MAML2: variants seen among roughly 807,000 people sequenced by gnomAD.
MAML2 encodes mastermind-like protein 2.
Under a neutral mutation model 96.1 loss-of-function variants are expected in MAML2, and 22 were observed. The observed-to-expected ratio is 0.23, with a 90% CI of 0.16 to 0.33. The LOEUF is 0.33. MAML2 is among the 10% of genes least tolerant of loss of function. MAML2 has a pLI of 1.00. For synonymous variants in MAML2, 561 were observed against 521.3 expected (o/e 1.08, Z -1.04); for missense variants, 1,367 against 1,392.4 (o/e 0.98, Z 0.29).
At chr11:96,082,486 C>T (rs1035223012) in intron 2 of MAML2, among the ~76,000 whole-genome samples, 2 of 152,076 alleles carry the variant, frequency 1.3e-5, no homozygotes, top group Non-Finnish European at 2.9e-5. Flanking sequence ...AGCAGAACTG[C>T]CTAACAAAGT....
intron 2 of MAML2, among the ~76,000 whole-genome samples, chr11:96,008,044 T>C (rs1314942802): frequency 6.7e-6 from 1 of 149,128 alleles, no homozygotes; most frequent in Non-Finnish European, 1.5e-5. Context: ...AAAAAATTTT[T>C]CAGTGAAATG....
chr11:96,154,997 G>T (rs1010898460), intron 1 of MAML2, among the ~76,000 whole-genome samples: 2 of 152,076 alleles, frequency 1.3e-5, no homozygotes, highest in Admixed American at 6.5e-5. Flanking sequence ...GATCCTCCCC[G>T]TTCTCCCAGG....
chr11:96,104,087 G>T (rs1280253415), intron 1 of MAML2, among the ~76,000 whole-genome samples: 1 of 152,040 alleles, frequency 6.6e-6, no homozygotes, highest in Admixed American at 6.6e-5. Flanking sequence ...ACATGTTCAT[G>T]TTTGTTTTCC....
chr11:96,125,028 CATTTTATT>C (rs1225570478), intron 1 of MAML2, among the ~76,000 whole-genome samples: 1 of 152,112 alleles, frequency 6.6e-6, no homozygotes, highest in East Asian at 1.9e-4. Context: ...ACATGAGAGT[CATTTTATT>C]ATTTTATTAT....
chr11:96,128,479 T>C (rs1860490289), intron 1 of MAML2, among the ~76,000 whole-genome samples: 1 of 152,190 alleles, frequency 6.6e-6, no homozygotes, highest in Non-Finnish European at 1.5e-5. Context: ...CTTATTGGTA[T>C]CATCATATAC....
chr11:96,316,825 GA>G (rs1223964695), intron 1 of MAML2, among the ~76,000 whole-genome samples: 1 of 151,998 alleles, frequency 6.6e-6, no homozygotes, highest in Non-Finnish European at 1.5e-5. Flanking sequence ...CAGTCGAGGG[GA>G]GAGGGGATCC....
In MAML2 at chr11:96,072,207, C is replaced by A. The variant is rs187619115; in HGVS notation, c.2139+19685G>T. 2.6e-5 allele frequency among the ~76,000 whole-genome samples: 4 copies of A among 152,270 alleles called. No homozygotes were observed. The East Asian group carries it at 7.7e-4, about 29-fold the overall frequency. The stretch of plus-strand genomic sequence containing the variant: ...CATAGCCCACTTGCCAAAAAAAAAG[C>A]TCTTGTTATAAGGTTAAGGCCACAT... On this transcript the variant is annotated intron_variant, in intron 2 of 4. Transcript: ENST00000524717.
At chr11:96,214,847 A>T (rs914749175) in intron 1 of MAML2, among the ~76,000 whole-genome samples, 7 of 152,236 alleles carry the variant, frequency 4.6e-5, no homozygotes, top group African/African-American at 1.4e-4. Context: ...TTGTTTAAAA[A>T]TGCCAAAAAT....
chr11:96,039,367 G>A (rs549421119), intron 2 of MAML2, among the ~76,000 whole-genome samples: 1 of 141,202 alleles, frequency 7.1e-6, no homozygotes, highest in Admixed American at 7.0e-5. Context: ...GAGAGGGGAG[G>A]GGGATAAGGG....
chr11:96,066,655 A>T (rs959889875), intron 2 of MAML2, among the ~76,000 whole-genome samples: 9 of 79,344 alleles, frequency 1.1e-4, no homozygotes, highest in African/African-American at 4.3e-4. Flanking sequence ...TTTTTCAGCA[A>T]ATATTAATTA....
At chr11:95,998,056 T>G (rs866250711) in intron 2 of MAML2, among the ~76,000 whole-genome samples, 1 of 152,136 alleles carries the variant, frequency 6.6e-6, no homozygotes, top group Admixed American at 6.6e-5. Context: ...TACTAGACTC[T>G]TTATATAGCA....
intron 1 of MAML2, among the ~76,000 whole-genome samples, chr11:96,247,555 G>T (rs2135964689): frequency 6.6e-6 from 1 of 152,226 alleles, no homozygotes; most frequent in Admixed American, 6.5e-5. Context: ...TGTCCACTTT[G>T]CAGACGCCCA....
chr11:96,158,548 A>C (rs1861048362), intron 1 of MAML2, among the ~76,000 whole-genome samples: 1 of 152,188 alleles, frequency 6.6e-6, no homozygotes, highest in South Asian at 2.1e-4. Flanking sequence ...TCCTGAAATC[A>C]CAGCAGATTT....
At chr11:96,183,331 T>TC (rs869251444) in intron 1 of MAML2, among the ~76,000 whole-genome samples, 1 of 80 alleles carries the variant, frequency 0.013, no homozygotes, top group Non-Finnish European at 0.024. Flanking sequence ...GAATTTTAGA[T>TC]TTTTTATTTC....
chr11:96,216,340 G>A (rs1862049747), intron 1 of MAML2, among the ~76,000 whole-genome samples: 1 of 152,120 alleles, frequency 6.6e-6, no homozygotes. Flanking sequence ...TGAACTCCCA[G>A]GAAGAGGAAG....
chr11:96,193,123 C>T (rs990493226), intron 1 of MAML2, among the ~76,000 whole-genome samples: 2 of 152,182 alleles, frequency 1.3e-5, no homozygotes, highest in Non-Finnish European at 2.9e-5. Context: ...AATCCCAGCA[C>T]TTTGGGAGGC....
chr11:96,035,712 A>G (rs1019479251), intron 2 of MAML2, among the ~76,000 whole-genome samples: 6 of 152,258 alleles, frequency 3.9e-5, no homozygotes, highest in African/African-American at 1.4e-4. Flanking sequence ...GGGTTCTCTA[A>G]GACTCCACTG....
At chr11:96,101,174 C>A (rs1423824581) in intron 1 of MAML2, among the ~76,000 whole-genome samples, 1 of 152,184 alleles carries the variant, frequency 6.6e-6, no homozygotes, top group Non-Finnish European at 1.5e-5. Context: ...ATACCAAGCT[C>A]TCCTGTATTC....
chr11:96,117,442 C>A (rs1326134381), intron 1 of MAML2, among the ~76,000 whole-genome samples: 1 of 152,040 alleles, frequency 6.6e-6, no homozygotes, highest in African/African-American at 2.4e-5. Flanking sequence ...ATTACAGGCA[C>A]ATGTCACCAC....
Sources: gnomAD v4.1 joint callset for allele counts (sites outside exome capture counted in the v4.1 genomes callset) on GRCh38, gnomAD v4.1.1 for gene constraint, MANE v1.5 for transcripts, NCBI Gene and HGNC (gene_info 2026-07-23, HGNC 2026-07-21) for gene names.